Variants in TAFA2 observed in about 807,000 individuals in gnomAD.
TAFA2 encodes chemokine-like protein TAFA-2.
Under a neutral mutation model 18.8 loss-of-function variants are expected in TAFA2, and 7 were observed. The ratio of observed to expected loss-of-function variants is 0.37; its 90% CI spans 0.21 to 0.70. TAFA2 has a LOEUF of 0.70. TAFA2 is among the 30% of genes least tolerant of loss of function. The pLI, the probability that TAFA2 is intolerant of heterozygous loss-of-function variation, is 0.53. For missense variants in TAFA2, 122 were observed against 158.1 expected (o/e 0.77, Z 1.23); for synonymous variants, 60 against 54.2 (o/e 1.11, Z -0.47).
At chr12:61,773,407 T>G (rs1421983375) in intron 2 of TAFA2, among the ~76,000 whole-genome samples, 1 of 151,906 alleles carries the variant, frequency 6.6e-6, no homozygotes, top group Non-Finnish European at 1.5e-5. Flanking sequence ...AAAGCAAGAC[T>G]AAGCAAAAGG....
intron 1 of TAFA2, chr12:62,252,101 T>C (rs1330886687): frequency 6.6e-6 from 1 of 152,260 alleles, no homozygotes; most frequent in Non-Finnish European, 1.5e-5. Context: ...TTTCCTCACC[T>C]TGACTAGCTC....
At chr12:62,042,832 G>C (rs967677456) in intron 1 of TAFA2, among the ~76,000 whole-genome samples, 1 of 151,992 alleles carries the variant, frequency 6.6e-6, no homozygotes, top group Non-Finnish European at 1.5e-5. Context: ...GCTACATCCA[G>C]CCCAGTCTTA....
intron 1 of TAFA2, among the ~76,000 whole-genome samples, chr12:62,213,867 C>T (rs1437945520): frequency 6.6e-6 from 1 of 152,142 alleles, no homozygotes; most frequent in Non-Finnish European, 1.5e-5. Context: ...TTGTTTTGAA[C>T]TCAGAATGTC....
intron 1 of TAFA2, among the ~76,000 whole-genome samples, chr12:62,155,109 AG>A (rs1228211460): frequency 6.6e-6 from 1 of 152,244 alleles, no homozygotes; most frequent in Non-Finnish European, 1.5e-5. Flanking sequence ...TCCAGATACA[AG>A]ATTAATGTAC....
At chr12:61,810,703 C>G (rs1480193820) in intron 2 of TAFA2, among the ~76,000 whole-genome samples, 1 of 151,100 alleles carries the variant, frequency 6.6e-6, no homozygotes, top group Non-Finnish European at 1.5e-5. Flanking sequence ...TGATTAATTT[C>G]AGGCCAGTAG....
chr12:61,750,651 T>C (rs1868968170), intron 4 of TAFA2, among the ~76,000 whole-genome samples: 1 of 152,162 alleles, frequency 6.6e-6, no homozygotes, highest in African/African-American at 2.4e-5. Context: ...GCCACTCATC[T>C]CTGCTGAGGC....
At chr12:61,798,166 TTA>T in intron 2 of TAFA2, among the ~76,000 whole-genome samples, 1 of 152,250 alleles carries the variant, frequency 6.6e-6, no homozygotes, top group South Asian at 2.1e-4. Flanking sequence ...TTTTTTTGGT[TTA>T]CATGCTGATC....
intron 4 of TAFA2, among the ~76,000 whole-genome samples, chr12:61,744,763 T>G (rs1013425835): frequency 6.6e-6 from 1 of 151,960 alleles, no homozygotes; most frequent in Non-Finnish European, 1.5e-5. Context: ...GTTGCCCATG[T>G]TGGTCTTTAA....
intron 1 of TAFA2, chr12:62,235,163 A>G: frequency 1.5e-6 from 1 of 664,048 alleles, no homozygotes; most frequent in Non-Finnish European, 2.9e-6. Context: ...GCTGAGGGGG[A>G]GACACTCCCT....
At chr12:61,943,403 C>T (rs1032064295) in intron 1 of TAFA2, among the ~76,000 whole-genome samples, 1 of 150,506 alleles carries the variant, frequency 6.6e-6, no homozygotes, top group Admixed American at 6.6e-5. Flanking sequence ...AACTAACGAG[C>T]AAAATCACCA....
intron 1 of TAFA2, among the ~76,000 whole-genome samples, chr12:61,891,834 A>G (rs1038852539): frequency 6.6e-6 from 1 of 152,154 alleles, no homozygotes; most frequent in Non-Finnish European, 1.5e-5. Flanking sequence ...GTCAGTCCAC[A>G]GAAGCCTGAT....
intron 2 of TAFA2, among the ~76,000 whole-genome samples, chr12:61,834,236 T>G (rs1872829253): frequency 6.6e-6 from 1 of 152,054 alleles, no homozygotes; most frequent in East Asian, 1.9e-4. Context: ...GGCCCAGTTG[T>G]GGACATGCAT....
intron 4 of TAFA2, among the ~76,000 whole-genome samples, chr12:61,718,562 T>G (rs981320720): frequency 6.6e-6 from 1 of 152,112 alleles, no homozygotes; most frequent in Admixed American, 6.6e-5. Context: ...CTTGAAGACA[T>G]TCAAAAAATC....
intron 1 of TAFA2, among the ~76,000 whole-genome samples, chr12:62,157,987 T>C (rs1444309596): frequency 6.6e-6 from 1 of 152,186 alleles, no homozygotes; most frequent in African/African-American, 2.4e-5. Flanking sequence ...TACATATCTA[T>C]ATGTCTTATA....
intron 1 of TAFA2, among the ~76,000 whole-genome samples, chr12:62,206,368 A>G (rs1272846786): frequency 6.6e-6 from 1 of 152,258 alleles, no homozygotes; most frequent in African/African-American, 2.4e-5. Flanking sequence ...ATTCACCAAT[A>G]CCATGAAACA....
At chr12:61,777,064 T>C (rs1870293984) in intron 2 of TAFA2, among the ~76,000 whole-genome samples, 1 of 151,858 alleles carries the variant, frequency 6.6e-6, no homozygotes, top group South Asian at 2.1e-4. Flanking sequence ...TTTGTTCTTT[T>C]GGTAATTTGC....
intron 4 of TAFA2, among the ~76,000 whole-genome samples, chr12:61,721,767 C>A (rs1463107639): frequency 6.6e-6 from 1 of 152,118 alleles, no homozygotes; most frequent in Non-Finnish European, 1.5e-5. Flanking sequence ...ACCAGCCTGA[C>A]CAACATGGTG....
At chr12:61,781,241 A>G (rs1217633929) in intron 2 of TAFA2, among the ~76,000 whole-genome samples, 1 of 151,722 alleles carries the variant, frequency 6.6e-6, no homozygotes, top group Non-Finnish European at 1.5e-5. Context: ...TAGAAGAGCC[A>G]GGAGAGGGAA....
intron 1 of TAFA2, among the ~76,000 whole-genome samples, chr12:62,160,368 TA>T (rs1209033268): frequency 2.0e-5 from 3 of 152,192 alleles, no homozygotes; most frequent in African/African-American, 7.2e-5. Context: ...ATCCTTCAGG[TA>T]ATTACTCACT....
Sources: gnomAD v4.1 joint callset for allele counts (sites outside exome capture counted in the v4.1 genomes callset) on GRCh38, gnomAD v4.1.1 for gene constraint, MANE v1.5 for transcripts, NCBI Gene and HGNC (gene_info 2026-07-23, HGNC 2026-07-21) for gene names.